SAMD4A: variants seen among roughly 807,000 people sequenced by gnomAD.
SAMD4A encodes protein Smaug homolog 1.
In SAMD4A, 33 loss-of-function variants were observed where a neutral mutation model predicts 81.3. The observed-to-expected ratio is 0.41, with a 90% CI of 0.31 to 0.54. The LOEUF is 0.54. Ranked by LOEUF, SAMD4A falls within the 20% of genes least tolerant of loss-of-function variation. The probability of loss-of-function intolerance (pLI) is 0.37; values close to 1 mark genes in which losing one functional copy is unlikely to be tolerated. For missense variants in SAMD4A, 854 were observed against 951.1 expected (o/e 0.90, Z 1.34); for synonymous variants, 389 against 382.1 (o/e 1.02, Z -0.21).
intron 12 of SAMD4A, among the ~76,000 whole-genome samples, chr14:54,787,196 A>T (rs1470602309): frequency 6.6e-6 from 1 of 152,190 alleles, no homozygotes; most frequent in Non-Finnish European, 1.5e-5. Flanking sequence ...AGAGGCTCAC[A>T]TCTGTTGGCC....
chr14:54,573,652 C>A (rs2033200191), intron 2 of SAMD4A, among the ~76,000 whole-genome samples: 2 of 152,202 alleles, frequency 1.3e-5, no homozygotes, highest in African/African-American at 4.8e-5. Flanking sequence ...TTTCATCTCT[C>A]CTGATCATTC....
chr14:54,592,173 T>A (rs2033795389), intron 2 of SAMD4A, among the ~76,000 whole-genome samples: 1 of 152,158 alleles, frequency 6.6e-6, no homozygotes, highest in Non-Finnish European at 1.5e-5. Flanking sequence ...TTTTTTGAAC[T>A]ACCCTAGCAA....
At position 54,775,147 on chromosome 14, in the gene SAMD4A, C is replaced by T. The variant is rs921923411; in HGVS notation, c.1917+12C>T. 1.2e-6 allele frequency: 2 copies of T among 1,614,002 alleles called. No individual in the cohort carries two copies. The highest frequency in any genetic ancestry group is 1.7e-5 in the Admixed American group (1 of 60,010). ...AACAAGGAAGACAGGTTTGTTCTGC[C>T]CCAAGGAAGGAGGAGGATGGCCAAG... On this transcript the variant is annotated intron_variant, in intron 10 of 12. Transcript: ENST00000554335.
chr14:54,755,148 C>T (rs992267168), intron 6 of SAMD4A, among the ~76,000 whole-genome samples: 42 of 152,128 alleles, frequency 2.8e-4, no homozygotes, highest in Non-Finnish European at 5.4e-4. Context: ...AAAATAGAGG[C>T]AGTGAGGATG....
At chr14:54,697,530 G>A (rs1037095700) in intron 2 of SAMD4A, among the ~76,000 whole-genome samples, 77 of 152,164 alleles carry the variant, frequency 5.1e-4, no homozygotes, top group Non-Finnish European at 2.4e-4. Context: ...TTTGTGAGTG[G>A]ATAATCAGGA....
chr14:54,581,914 C>G (rs2033480175), intron 2 of SAMD4A, among the ~76,000 whole-genome samples: 1 of 152,206 alleles, frequency 6.6e-6, no homozygotes, highest in Admixed American at 6.5e-5. Flanking sequence ...TCCACTTTTA[C>G]CTTTCACTGA....
At chr14:54,606,509 G>A (rs1258113600) in intron 2 of SAMD4A, among the ~76,000 whole-genome samples, 1 of 152,186 alleles carries the variant, frequency 6.6e-6, no homozygotes, top group Non-Finnish European at 1.5e-5. Flanking sequence ...TGCACTTGAG[G>A]CTGCAGGCCA....
At chr14:54,658,163 T>C (rs2035566489) in intron 2 of SAMD4A, among the ~76,000 whole-genome samples, 2 of 152,006 alleles carry the variant, frequency 1.3e-5, no homozygotes. Context: ...ATATAAAAAT[T>C]AGCCAGGTGT....
intron 4 of SAMD4A, among the ~76,000 whole-genome samples, chr14:54,742,903 T>G (rs1039158166): frequency 5.3e-5 from 8 of 152,254 alleles, no homozygotes; most frequent in Admixed American, 1.3e-4. Context: ...AAGGAGACTT[T>G]CGTTAGATGA....
intron 3 of SAMD4A, among the ~76,000 whole-genome samples, chr14:54,736,337 A>G (rs1028968589): frequency 3.9e-5 from 6 of 152,196 alleles, no homozygotes; most frequent in Non-Finnish European, 8.8e-5. Flanking sequence ...TTTGCAATAC[A>G]AAGTTTGGCA....
intron 4 of SAMD4A, among the ~76,000 whole-genome samples, chr14:54,746,361 A>C (rs2037967664): frequency 6.6e-6 from 1 of 152,214 alleles, no homozygotes. Context: ...AAAGGAGCTT[A>C]CATTGCCCAG....
intron 3 of SAMD4A, 63 bp from the exon 4 acceptor site, chr14:54,736,961 G>T: frequency 6.3e-7 from 1 of 1,579,116 alleles, no homozygotes; most frequent in Non-Finnish European, 8.6e-7. Context: ...GGTATTGTGG[G>T]TTCTTCGGTG....
At chr14:54,772,829 A>C (rs571890340) in intron 9 of SAMD4A, among the ~76,000 whole-genome samples, 38 of 151,440 alleles carry the variant, frequency 2.5e-4, no homozygotes, top group African/African-American at 8.7e-4. Flanking sequence ...AAACAAACAA[A>C]AAAAAAAAAC....
intron 2 of SAMD4A, among the ~76,000 whole-genome samples, chr14:54,682,777 T>G (rs1350352968): frequency 6.6e-6 from 1 of 152,164 alleles, no homozygotes; most frequent in Non-Finnish European, 1.5e-5. Context: ...GAGGCCAAAT[T>G]CCTACACTAT....
In SAMD4A at chr14:54,589,825, T is replaced by A. The variant is rs141557953; in HGVS notation, c.196+21713T>A. ...CAGGAGTTCCCTCTGATCGACTGCC[T>A]CAATGTCTGCATGGTTTACTTCACA... On this transcript the variant is annotated intron_variant, in intron 2 of 12. Transcript: ENST00000554335. Among the ~76,000 whole-genome samples, 559 of 152,306 alleles carry A rather than the reference T, an allele frequency of 3.7e-3. 6 individuals carry two copies. The highest frequency in any genetic ancestry group is 0.013 in the African/African-American group (535 of 41,574).
rs1319673664 is a variant in SAMD4A at position 54,568,086 on chromosome 14, T to A, written c.170T>A (p.Val57Asp). ...HSLADCAELH[V>D]LEREANSPGI... is the part of the protein sequence containing the mutation. ...CTGGCCGACTGCGCCGAGCTGCACGTCCTCGAACGCGAGGCCAACAGCCCC... is the reference window on the plus strand; with the variant it reads ...CTGGCCGACTGCGCCGAGCTGCACGACCTCGAACGCGAGGCCAACAGCCCC... Residue 57 changes from valine (V) to aspartate (D), a missense_variant, in exon 2 of 13, where the codon GTC becomes GAC. Val to Asp is a radical substitution (Grantham distance 152). Transcript: ENST00000554335. 23 of 1,566,188 alleles carry A rather than the reference T, an allele frequency of 1.5e-5. No homozygotes were observed. The highest frequency in any genetic ancestry group is 4.7e-5 in the East Asian group (2 of 42,132).
intron 8 of SAMD4A, among the ~76,000 whole-genome samples, chr14:54,767,565 A>G (rs1433928513): frequency 6.6e-6 from 1 of 152,146 alleles, no homozygotes; most frequent in African/African-American, 2.4e-5. Flanking sequence ...ATGCTGGGAC[A>G]CCATAGCCAT....
intron 6 of SAMD4A, among the ~76,000 whole-genome samples, chr14:54,758,679 A>G (rs2038310057): frequency 6.6e-6 from 1 of 152,012 alleles, no homozygotes; most frequent in Admixed American, 6.5e-5. Context: ...AAAATACAAA[A>G]ATTAGTTGGG....
At position 54,568,641 on chromosome 14, in the gene SAMD4A, C is replaced by G. The variant is rs557737332; in HGVS notation, c.196+529C>G. Among the ~76,000 whole-genome samples, 12 of 140,176 alleles carry G rather than the reference C, an allele frequency of 8.6e-5. No individual in the cohort carries two copies. The South Asian group carries it at 2.7e-3, about 32-fold the overall frequency. 92.0% of individuals were successfully genotyped at this position (140,176 alleles called of 152,430 possible). A position where few individuals can be genotyped will look rare whatever the true frequency, so the allele number is the denominator to read the frequency against. On this transcript the variant is annotated intron_variant, in intron 2 of 12. Coordinates refer to ENST00000554335, the MANE Select transcript of SAMD4A (RefSeq NM_015589.6). ...TATTCTGGTTTTAGAGCTTCGTCTT[C>G]AGAATAATATGCAGGTGACGCTAGA... is the stretch of plus-strand genomic sequence containing the variant.
Sources: gnomAD v4.1 joint callset for allele counts (sites outside exome capture counted in the v4.1 genomes callset) on GRCh38, gnomAD v4.1.1 for gene constraint, MANE v1.5 for transcripts, NCBI Gene and HGNC (gene_info 2026-07-23, HGNC 2026-07-21) for gene names.